AUTS2: variants seen among roughly 807,000 people sequenced by gnomAD.
AUTS2 encodes the protein autism susceptibility gene 2 protein.
AUTS2 carries 17 observed loss-of-function variants against 112.4 expected under a neutral mutation model. The observed-to-expected ratio is 0.15, with a 90% CI of 0.10 to 0.23. The LOEUF is 0.23. Ranked by LOEUF, AUTS2 falls within the 10% of genes least tolerant of loss-of-function variation. The pLI is 1.00. For synonymous variants in AUTS2, 751 were observed against 702.7 expected (o/e 1.07, Z -1.09); for missense variants, 1,510 against 1,701.6 (o/e 0.89, Z 1.98).
chr7:70,777,328 TCTTA>T (rs1475988184), intron 14 of AUTS2, 154 bp downstream of exon 14: 10 of 703,282 alleles, frequency 1.4e-5, no homozygotes, highest in African/African-American at 5.4e-5. Context: ...TACTCAGAAG[TCTTA>T]CTTATTTTTT....
At chr7:70,447,252 AC>A (rs2131007896) in intron 5 of AUTS2, among the ~76,000 whole-genome samples, 1 of 152,290 alleles carries the variant, frequency 6.6e-6, no homozygotes, top group African/African-American at 2.4e-5. Flanking sequence ...TACAGTCCTC[AC>A]ACCAACCCAA....
chr7:69,645,591 G>T (rs971072841), intron 1 of AUTS2, among the ~76,000 whole-genome samples: 2 of 152,174 alleles, frequency 1.3e-5, no homozygotes, highest in African/African-American at 4.8e-5. Flanking sequence ...CCATTGAACT[G>T]GTGGAGGTCA....
chr7:69,604,268 A>G (rs144695092), intron 1 of AUTS2, among the ~76,000 whole-genome samples: 131 of 152,352 alleles, frequency 8.6e-4, no homozygotes, highest in Non-Finnish European at 7.6e-4. Flanking sequence ...ATAGGCTCTC[A>G]CAATTTATTA....
At chr7:69,679,132 AAAAC>A (rs1379394712) in intron 1 of AUTS2, among the ~76,000 whole-genome samples, 2 of 152,244 alleles carry the variant, frequency 1.3e-5, no homozygotes, top group Non-Finnish European at 2.9e-5. Flanking sequence ...CACAATAAGA[AAAAC>A]AAAGCTAGAG....
At chr7:70,192,349 G>A (rs1809947148) in intron 4 of AUTS2, among the ~76,000 whole-genome samples, 1 of 151,968 alleles carries the variant, frequency 6.6e-6, no homozygotes, top group Admixed American at 6.6e-5. Context: ...ATTTAGTGTG[G>A]GCCCTCTAAT....
At chr7:70,046,407 A>G (rs116473517) in intron 2 of AUTS2, among the ~76,000 whole-genome samples, 88 of 152,344 alleles carry the variant, frequency 5.8e-4, no homozygotes, top group African/African-American at 2.0e-3. Flanking sequence ...CACATACTAC[A>G]TAAGTACTAT....
intron 4 of AUTS2, among the ~76,000 whole-genome samples, chr7:70,321,889 T>C (rs922949717): frequency 2.0e-5 from 3 of 152,228 alleles, no homozygotes; most frequent in African/African-American, 7.2e-5. Context: ...CTGTTTCATA[T>C]ACTCTTTATG....
chr7:70,215,663 TATATC>T (rs1232832774), intron 4 of AUTS2, among the ~76,000 whole-genome samples: 2 of 152,148 alleles, frequency 1.3e-5, no homozygotes, highest in Admixed American at 1.3e-4. Context: ...GGACTGGACT[TATATC>T]AGTTGAACTT....
At chr7:70,170,223 G>T (rs900871809) in intron 4 of AUTS2, among the ~76,000 whole-genome samples, 1 of 145,688 alleles carries the variant, frequency 6.9e-6, no homozygotes, top group Non-Finnish European at 1.5e-5. Flanking sequence ...GCAGTGGCAT[G>T]ATCTCAGCTC....
chr7:70,099,277 A>G (rs892717200), intron 2 of AUTS2, among the ~76,000 whole-genome samples: 4 of 152,198 alleles, frequency 2.6e-5, no homozygotes, highest in Non-Finnish European at 5.9e-5. Context: ...GTTAGAATCA[A>G]TATTTTTTGT....
At chr7:70,025,762 C>CT (rs1300562052) in intron 2 of AUTS2, among the ~76,000 whole-genome samples, 3 of 137,166 alleles carry the variant, frequency 2.2e-5, no homozygotes, top group Non-Finnish European at 3.1e-5. Context: ...GGCCTGCATA[C>CT]TTTTTTTTAC....
chr7:69,750,281 G>GA (rs1411598481), intron 1 of AUTS2, among the ~76,000 whole-genome samples: 2 of 151,886 alleles, frequency 1.3e-5, no homozygotes, highest in African/African-American at 4.8e-5. Flanking sequence ...ACCCACATGA[G>GA]AAGGTGGAGG....
intron 1 of AUTS2, among the ~76,000 whole-genome samples, chr7:69,777,521 G>A (rs1788946652): frequency 6.6e-6 from 1 of 152,080 alleles, no homozygotes; most frequent in African/African-American, 2.4e-5. Context: ...TTCTTGGAAA[G>A]CTGTGTTTTA....
At position 70,789,800 on chromosome 7, in the gene AUTS2, C is replaced by A. The variant is rs760663281; in HGVS notation, c.2584C>A (p.Pro862Thr). The change falls in exon 19 of 19, where the codon CCG becomes ACG. Residue 862 changes from proline (P) to threonine (T), a missense_variant. This residue lies in a region of AUTS2 where 788 missense variants were observed against 797.6 expected (regional missense o/e 0.99). Transcript: ENST00000342771. ...CCACCCTTCACCAGCACCTGTCCTCCCGGTGAATGCCCTGGGACATACCCG... is the reference window on the plus strand; with the variant it reads ...CCACCCTTCACCAGCACCTGTCCTCACGGTGAATGCCCTGGGACATACCCG... ...SSHPSPAPVLPVNALGHTRSS... is the reference protein window; with the variant it reads ...SSHPSPAPVLTVNALGHTRSS... 6.2e-7 allele frequency: 1 copy of A among 1,614,064 alleles called. No homozygotes were observed. Among genetic ancestry groups the A allele is most frequent in the African/African-American group, 1.3e-5 (1 of 74,936 alleles).
At chr7:70,128,633 G>C (rs1424746380) in intron 3 of AUTS2, among the ~76,000 whole-genome samples, 3 of 152,224 alleles carry the variant, frequency 2.0e-5, no homozygotes, top group African/African-American at 7.2e-5. Context: ...CTACAGTAGA[G>C]TGAAGTAGCA....
chr7:69,921,352 T>A (rs1448634986), intron 2 of AUTS2, among the ~76,000 whole-genome samples: 4 of 112,676 alleles, frequency 3.6e-5, no homozygotes, highest in Non-Finnish European at 3.7e-5. Context: ...TTTTTTTTTT[T>A]AACCGTAATA....
chr7:69,769,024 TGAAG>T (rs1487062138), intron 1 of AUTS2, among the ~76,000 whole-genome samples: 1 of 152,146 alleles, frequency 6.6e-6, no homozygotes, highest in African/African-American at 2.4e-5. Flanking sequence ...AGGCAGAACA[TGAAG>T]GAAAAATTAA....
At chr7:70,081,387 TAAAAAAAAAAAA>T (rs57155688) in intron 2 of AUTS2, among the ~76,000 whole-genome samples, 2 of 88,950 alleles carry the variant, frequency 2.2e-5, no homozygotes, top group Non-Finnish European at 4.5e-5. Flanking sequence ...CCCGTCTCTA[TAAAAAAAAAAAA>T]AAAAAAAAAA....
rs1364703033 is a variant in AUTS2, at chr7:70,449,097, G to A, written c.690+13316G>A. ...ATGTTTAGGCTTTTGGAATTTAAATGTGTTAAAATAACCAAACCATCAGAA... is the reference window on the plus strand; with the variant it reads ...ATGTTTAGGCTTTTGGAATTTAAATATGTTAAAATAACCAAACCATCAGAA... On this transcript the variant is annotated intron_variant, in intron 5 of 18. Transcript: ENST00000342771. Among the ~76,000 whole-genome samples the A allele has an allele frequency of 2.0e-5, 3 of 152,184 alleles. No homozygotes were observed. The East Asian group carries it at 5.8e-4, about 29-fold the overall frequency.
Sources: allele counts gnomAD v4.1 joint callset (sites outside exome capture counted in the v4.1 genomes callset), GRCh38; gene constraint gnomAD v4.1.1; regional missense constraint gnomAD v4.1.1; transcripts MANE v1.5; gene names NCBI Gene and HGNC (gene_info 2026-07-23, HGNC 2026-07-21).